AKAP7: variants seen among roughly 807,000 people sequenced by gnomAD.
AKAP7 encodes the protein A-kinase anchoring protein 7, also known as A kinase (PRKA) anchor protein 7.
Under a neutral mutation model 39.5 loss-of-function variants are expected in AKAP7, and 39 were observed. That is an observed-to-expected ratio of 0.99 (90% confidence interval 0.76 to 1.29). AKAP7 has a LOEUF of 1.29. Among genes scored for constraint, AKAP7 ranks in the 50% most tolerant of loss-of-function variants. AKAP7 has a pLI of 0.00. For missense variants in AKAP7, 414 were observed against 407.7 expected (o/e 1.02, Z -0.13); for synonymous variants, 140 against 139.1 (o/e 1.01, Z -0.05).
chr6:131,168,722 C>T (rs1268627139), intron 4 of AKAP7, among the ~76,000 whole-genome samples: 1 of 152,098 alleles, frequency 6.6e-6, no homozygotes, highest in Non-Finnish European at 1.5e-5. Flanking sequence ...AGTATTAGTA[C>T]TTTCATCAAA....
At chr6:131,242,482 C>A (rs1811699225) in intron 7 of AKAP7, among the ~76,000 whole-genome samples, 1 of 150,410 alleles carries the variant, frequency 6.6e-6, no homozygotes, top group Non-Finnish European at 1.5e-5. Context: ...CTTTTCCCCC[C>A]TTTTTTGCTA....
intron 7 of AKAP7, among the ~76,000 whole-genome samples, chr6:131,238,028 C>G (rs1476447958): frequency 6.6e-6 from 1 of 152,200 alleles, no homozygotes; most frequent in African/African-American, 2.4e-5. Flanking sequence ...TTCCTACTTT[C>G]TCTTGTGGTC....
In AKAP7 at chr6:131,135,648, C is replaced by A. The variant is rs914879657; in HGVS notation, c.-116C>A. On this transcript the variant is annotated 5_prime_UTR_variant, in exon 1 of 8. Coordinates refer to ENST00000431975, the MANE Select transcript of AKAP7 (RefSeq NM_016377.4). ...ACCCCGCGCCGGCCCAGCGCACCGC[C>A]CTCAGGCCCCGAGCCCCGCCCTGGC... 2,979 of 944,712 alleles carry A rather than the reference C, an allele frequency of 3.2e-3. 4 individuals carry two copies. The highest frequency in any genetic ancestry group is 3.5e-3 in the Non-Finnish European group (2,766 of 783,670). 58.5% of individuals were successfully genotyped at this position (944,712 alleles called of 1,614,324 possible).
At chr6:131,196,074 ACT>A (rs1806896504) in intron 5 of AKAP7, among the ~76,000 whole-genome samples, 1 of 151,270 alleles carries the variant, frequency 6.6e-6, no homozygotes, top group South Asian at 2.1e-4. Context: ...AAGGCCAATA[ACT>A]CTGAGATTTG....
At position 131,184,433 on chromosome 6, in the gene AKAP7, A is replaced by G. The variant is rs530900155; in HGVS notation, c.590-15028A>G. The G allele has an allele frequency of 4.5e-6, 3 of 661,108 alleles. No homozygotes were observed. In the East Asian group the frequency reaches 1.0e-4, roughly 23 times the overall value. The allele number at this position is 661,108 out of a possible 1,614,324, so 41.0% of individuals were successfully genotyped here. A position where few individuals can be genotyped will look rare whatever the true frequency, so the allele number is the denominator to read the frequency against. On this transcript the variant is annotated intron_variant, in intron 5 of 7. Coordinates refer to ENST00000431975, the MANE Select transcript of AKAP7 (RefSeq NM_016377.4). ...GGGGCTCAGATATGGACGGAGTGAG[A>G]CAGTACATTTCGTAGCCATGATCGC...
chr6:131,276,357 T>C (rs3777495), intron 7 of AKAP7, among the ~76,000 whole-genome samples: 5,338 of 152,140 alleles, frequency 0.035, 260 homozygotes, highest in East Asian at 0.18. Flanking sequence ...GCTAATACTT[T>C]TGGCAGATAA....
In AKAP7 at chr6:131,135,606, C is replaced by G; in HGVS notation, c.-158C>G. 1.7e-6 allele frequency: 1 copy of G among 595,672 alleles called. No homozygotes were observed. The highest frequency in any genetic ancestry group is 2.1e-6 in the Non-Finnish European group (1 of 472,486). 36.9% of individuals were successfully genotyped at this position (595,672 alleles called of 1,614,324 possible). A position where few individuals can be genotyped will look rare whatever the true frequency, so the allele number is the denominator to read the frequency against. ...GGCCTGGCCTCCGCCGCCCGGGCCC[C>G]CGCAGCCTGTCGCTGGACCCCGCGC... On this transcript the variant is annotated 5_prime_UTR_variant, in exon 1 of 8. Coordinates refer to ENST00000431975, the MANE Select transcript of AKAP7 (RefSeq NM_016377.4).
At chr6:131,139,031 G>T (rs1800808627) in intron 1 of AKAP7, among the ~76,000 whole-genome samples, 1 of 152,352 alleles carries the variant, frequency 6.6e-6, no homozygotes, top group South Asian at 2.1e-4. Flanking sequence ...ACTTAAAAGA[G>T]TTTAAATGCT....
chr6:131,272,082 CA>C (rs1280570975), intron 7 of AKAP7, among the ~76,000 whole-genome samples: 1 of 152,086 alleles, frequency 6.6e-6, no homozygotes, highest in African/African-American at 2.4e-5. Context: ...AATGTGGTAT[CA>C]AAAAATCCCA....
intron 7 of AKAP7, among the ~76,000 whole-genome samples, chr6:131,245,267 A>T (rs1185204010): frequency 2.1e-5 from 3 of 139,892 alleles, no homozygotes; most frequent in Non-Finnish European, 4.6e-5. Context: ...TTTTCTTGAG[A>T]TGGAGTCTCA....
chr6:131,222,861 C>G (rs1809828453), intron 7 of AKAP7, among the ~76,000 whole-genome samples: 1 of 152,170 alleles, frequency 6.6e-6, no homozygotes, highest in Non-Finnish European at 1.5e-5. Context: ...ACAGAGAAAT[C>G]TTTCATGAAA....
At chr6:131,266,912 C>A (rs543188945) in intron 7 of AKAP7, among the ~76,000 whole-genome samples, 10 of 152,246 alleles carry the variant, frequency 6.6e-5, no homozygotes, top group Non-Finnish European at 1.3e-4. Flanking sequence ...TTAGTATTCA[C>A]AAGCAAGATG....
At chr6:131,208,173 A>G (rs1367772323) in intron 6 of AKAP7, among the ~76,000 whole-genome samples, 1 of 152,200 alleles carries the variant, frequency 6.6e-6, no homozygotes, top group African/African-American at 2.4e-5. Context: ...AAAGAGCACT[A>G]TTTATAACAA....
intron 5 of AKAP7, among the ~76,000 whole-genome samples, chr6:131,171,259 A>G (rs566410774): frequency 1.2e-4 from 19 of 152,292 alleles, no homozygotes; most frequent in African/African-American, 4.1e-4. Context: ...AATAACAATA[A>G]TTTTTGTAGC....
intron 7 of AKAP7, among the ~76,000 whole-genome samples, chr6:131,236,196 T>C (rs1811043858): frequency 6.6e-6 from 1 of 152,150 alleles, no homozygotes; most frequent in South Asian, 2.1e-4. Context: ...CTCAGGTTTG[T>C]CAAAGATCAG....
upstream of AKAP7, among the ~76,000 whole-genome samples, chr6:131,133,729 G>A (rs565395810): frequency 2.0e-5 from 3 of 152,156 alleles, no homozygotes; most frequent in Admixed American, 6.5e-5. Flanking sequence ...AGATTAAGAC[G>A]AGAAAAGGAT....
intron 7 of AKAP7, among the ~76,000 whole-genome samples, chr6:131,273,940 C>CTT (rs1161809027): frequency 2.4e-4 from 31 of 130,310 alleles, no homozygotes; most frequent in Non-Finnish European, 3.5e-4. Context: ...GTTGCCTTTT[C>CTT]TTTTTTTTTT....
intron 7 of AKAP7, among the ~76,000 whole-genome samples, chr6:131,243,303 T>C (rs1811757001): frequency 1.3e-5 from 2 of 152,226 alleles, no homozygotes; most frequent in Admixed American, 6.5e-5. Flanking sequence ...GATTAAGAAA[T>C]GTGTGAACAG....
intron 7 of AKAP7, among the ~76,000 whole-genome samples, chr6:131,258,406 A>G (rs1181545985): frequency 6.6e-6 from 1 of 152,230 alleles, no homozygotes; most frequent in Non-Finnish European, 1.5e-5. Context: ...TGCCTCTTAC[A>G]TGCCCAGGGA....
Sources: allele counts gnomAD v4.1 joint callset (sites outside exome capture counted in the v4.1 genomes callset), GRCh38; gene constraint gnomAD v4.1.1; transcripts MANE v1.5; gene names NCBI Gene and HGNC (gene_info 2026-07-23, HGNC 2026-07-21).